MYOM2: variants seen among roughly 807,000 people sequenced by gnomAD.
MYOM2 encodes the protein myomesin 2.
MYOM2 carries 254 observed loss-of-function variants against 187.6 expected under a neutral mutation model. The ratio of observed to expected loss-of-function variants is 1.35; its 90% CI spans 1.22 to 1.50. MYOM2 has a LOEUF of 1.50. MYOM2 is among the 40% of genes most tolerant of loss of function. The pLI is 0.00. For missense variants in MYOM2, 2,796 were observed against 1,924.0 expected (o/e 1.45, Z -8.48); for synonymous variants, 981 against 753.8 (o/e 1.30, Z -4.94).
chr8:2,085,447 A>ATGATCTCTGTGTGGCCCCTCACTGTCG (rs1819789330), intron 14 of MYOM2, 57 bp downstream of exon 14: 1 of 1,341,348 alleles, frequency 7.5e-7, no homozygotes, highest in South Asian at 1.7e-5. Flanking sequence ...CCCCACTGTC[A>ATGATCTCTGTGTGGCCCCTCACTGTCG]TGATCTCTGC....
rs370667622 is a variant in MYOM2 at position 2,106,268 on chromosome 8, G to A, written c.2761G>A (p.Asp921Asn). 6.6e-5 allele frequency: 106 copies of A among 1,614,124 alleles called. 1 individual carries two copies. In the East Asian group the frequency reaches 1.0e-3, roughly 16 times the overall value. Residue 921 changes from aspartate (D) to asparagine (N), a missense_variant, in exon 22 of 37, where the codon GAT (aspartate) becomes AAT (asparagine). Coordinates refer to ENST00000262113, the MANE Select transcript of MYOM2 (RefSeq NM_003970.4). Reference sequence around the variant, plus strand: ...CACCAAGGAAATCAGTGCTGGTGTCGATGAACAAGGCAACATCTATCTGGG... The same window carrying A: ...CACCAAGGAAATCAGTGCTGGTGTCAATGAACAAGGCAACATCTATCTGGG... The part of the protein sequence containing the change: ...PGTKEISAGV[D>N]EQGNIYLGFD...
chr8:2,080,634 C>G (rs1819588373), intron 13 of MYOM2, among the ~76,000 whole-genome samples: 1 of 152,230 alleles, frequency 6.6e-6, no homozygotes, highest in Non-Finnish European at 1.5e-5. Flanking sequence ...TTCTTGCAGT[C>G]TCCTGGGCAT....
chr8:2,070,685 C>T (rs1055214252), intron 8 of MYOM2, among the ~76,000 whole-genome samples: 1 of 152,232 alleles, frequency 6.6e-6, no homozygotes, highest in African/African-American at 2.4e-5. Flanking sequence ...CATAGATCAC[C>T]ATGGAAGAAT....
chr8:2,083,455 G>T (rs113232637), intron 13 of MYOM2, among the ~76,000 whole-genome samples: 11 of 147,468 alleles, frequency 7.5e-5, no homozygotes, highest in African/African-American at 2.8e-4. Context: ...GCGGCATCTC[G>T]CATGTGCTTA....
intron 13 of MYOM2, among the ~76,000 whole-genome samples, chr8:2,083,583 A>T (rs1252741038): frequency 6.6e-6 from 1 of 152,128 alleles, no homozygotes; most frequent in Non-Finnish European, 1.5e-5. Context: ...AGTATCTTAC[A>T]TGTGCCTAGT....
intron 18 of MYOM2, 97 bp downstream of exon 18, chr8:2,096,531 C>T: frequency 8.6e-7 from 1 of 1,160,874 alleles, no homozygotes; most frequent in Non-Finnish European, 1.2e-6. Context: ...TAGTTTGATA[C>T]AGACACAAAA....
intron 25 of MYOM2, among the ~76,000 whole-genome samples, chr8:2,115,431 G>A (rs150819758): frequency 1.5e-3 from 235 of 152,192 alleles, no homozygotes; most frequent in African/African-American, 5.1e-3. Context: ...AAATAAAAGC[G>A]ATCAAAAAAG....
chr8:2,072,337 C>T lies in MYOM2; in HGVS notation c.794-8C>T, dbSNP rs544694566. 1.9e-6 allele frequency: 3 copies of T among 1,612,788 alleles called. No homozygotes were observed. Among genetic ancestry groups the T allele is most frequent in the East Asian group, 4.5e-5 (2 of 44,814 alleles). On this transcript the variant is annotated splice_region_variant and splice_polypyrimidine_tract_variant and intron_variant, in intron 8 of 36. Transcript: ENST00000262113. Reference sequence around the variant, plus strand: ...TCGGCCCTGAAAGCCTCCATCGTTTCTGTGCAGTGCCCCTGTCATCGATGA... The same window carrying T: ...TCGGCCCTGAAAGCCTCCATCGTTTTTGTGCAGTGCCCCTGTCATCGATGA...
chr8:2,100,380 CCTCT>C (rs1796665281), intron 19 of MYOM2: 1 of 155,014 alleles, frequency 6.5e-6, no homozygotes, highest in Non-Finnish European at 1.4e-5. Flanking sequence ...GGCGGGGCTG[CCTCT>C]CTGTTTCCCT....
intron 6 of MYOM2, among the ~76,000 whole-genome samples, chr8:2,062,335 TG>T (rs1818879117): frequency 6.6e-6 from 1 of 152,172 alleles, no homozygotes; most frequent in South Asian, 2.1e-4. Flanking sequence ...CTGCAGGGCC[TG>T]GCAGGCCTGG....
chr8:2,089,236 T>TTTTTTTTTTTTTTTTTTTG (rs1796209417), intron 14 of MYOM2, among the ~76,000 whole-genome samples: 1 of 152,204 alleles, frequency 6.6e-6, no homozygotes, highest in Non-Finnish European at 1.5e-5. Flanking sequence ...ATCAAGGTTT[T>TTTTTTTTTTTTTTTTTTTG]TAAAGTAATT....
At position 2,058,993 on chromosome 8, in the gene MYOM2, G is replaced by A. The variant is rs573826462; in HGVS notation, c.561-160G>A. 1.2e-4 allele frequency among the ~76,000 whole-genome samples: 18 copies of A among 152,342 alleles called. No homozygotes were observed. In the East Asian group the frequency reaches 1.4e-3, roughly 11 times the overall value. ...TCGCCTTAGAAAGCAAAACCAGTGC[G>A]AACTCTGGGCCTCACCGTCAGGGCT... On this transcript the variant is annotated intron_variant, in intron 5 of 36. Coordinates refer to ENST00000262113, the MANE Select transcript of MYOM2 (RefSeq NM_003970.4).
intron 14 of MYOM2, among the ~76,000 whole-genome samples, chr8:2,086,524 A>ACTGTCATGATCTCTGGCACCC (rs1796079933): frequency 1.5e-5 from 1 of 64,590 alleles, no homozygotes; most frequent in African/African-American, 3.8e-5. Flanking sequence ...GCGTGGCCCC[A>ACTGTCATGATCTCTGGCACCC]CACTGTCGTG....
At chr8:2,067,035 A>T (rs1020852135) in intron 6 of MYOM2, among the ~76,000 whole-genome samples, 4 of 152,174 alleles carry the variant, frequency 2.6e-5, no homozygotes, top group Admixed American at 1.3e-4. Flanking sequence ...GCAGTTAGGG[A>T]GGTCAGATGG....
chr8:2,090,015 T>G lies in MYOM2; in HGVS notation c.1652T>G (p.Val551Gly). Reference protein sequence around the residue: ...PLMYFIEKSVVGSGSWQRVNA... With the variant: ...PLMYFIEKSVGGSGSWQRVNA... ...TTCTGTTTCTCTTTGTAGTCCGTGGTGGGGAGCGGCAGCTGGCAGAGAGTC... is the reference window on the plus strand; with the variant it reads ...TTCTGTTTCTCTTTGTAGTCCGTGGGGGGGAGCGGCAGCTGGCAGAGAGTC... Residue 551 changes from valine to glycine, a missense_variant, in exon 15 of 37, where the codon GTG (valine) becomes GGG (glycine). Physicochemically the swap from Val to Gly is moderately radical, Grantham distance 109 (BLOSUM62 -3). Coordinates refer to ENST00000262113, the MANE Select transcript of MYOM2 (RefSeq NM_003970.4). The G allele has an allele frequency of 6.2e-7, 1 of 1,613,634 alleles. No homozygotes were observed. The highest frequency in any genetic ancestry group is 1.1e-5 in the South Asian group (1 of 91,018).
chr8:2,144,661 A>T lies in MYOM2; in HGVS notation c.4081-3A>T. 3 of 1,612,942 alleles carry T rather than the reference A, an allele frequency of 1.9e-6. No individual in the cohort carries two copies. Among genetic ancestry groups the T allele is most frequent in the Middle Eastern group, 1.7e-4 (1 of 6,054 alleles). On this transcript the variant is annotated splice_polypyrimidine_tract_variant and splice_region_variant and intron_variant, in intron 36 of 36. Coordinates refer to ENST00000262113, the MANE Select transcript of MYOM2 (RefSeq NM_003970.4). ...CTTCTCCACCAACCTCTTCCGTCCA[A>T]AGACCTTGAATCTGACCTGCACGGT...
intron 32 of MYOM2, among the ~76,000 whole-genome samples, chr8:2,137,944 C>T (rs369042738): frequency 6.6e-6 from 1 of 152,170 alleles, no homozygotes; most frequent in Non-Finnish European, 1.5e-5. Context: ...TCACACGCCA[C>T]GGTTTGGGAT....
intron 32 of MYOM2, among the ~76,000 whole-genome samples, chr8:2,134,024 C>T (rs1303116859): frequency 2.0e-5 from 3 of 152,126 alleles, no homozygotes; most frequent in African/African-American, 7.2e-5. Flanking sequence ...TAGCCACCTC[C>T]ACCGTCTTCC....
chr8:2,057,290 G>A, intron 3 of MYOM2, 58 bp from the exon 4 acceptor site: 3 of 1,552,026 alleles, frequency 1.9e-6, no homozygotes, highest in Non-Finnish European at 2.6e-6. Flanking sequence ...CGGCCTTCGG[G>A]GGCCACGTGG....
Sources: gnomAD v4.1 joint callset for allele counts (sites outside exome capture counted in the v4.1 genomes callset) on GRCh38, gnomAD v4.1.1 for gene constraint, MANE v1.5 for transcripts, NCBI Gene and HGNC (gene_info 2026-07-23, HGNC 2026-07-21) for gene names.